The following ATP13A4 variants were observed in gnomAD, a reference collection of about 807,000 sequenced individuals.
The protein encoded by ATP13A4 is ATPase 13A4, also known as probable cation-transporting ATPase 13A4.
ATP13A4 carries 114 observed loss-of-function variants against 142.5 expected under a neutral mutation model. The ratio of observed to expected loss-of-function variants is 0.80; its 90% confidence interval spans 0.69 to 0.93. ATP13A4 has a LOEUF of 0.93. ATP13A4 is among the 40% of genes least tolerant of loss of function. ATP13A4 has a pLI of 0.00. For synonymous variants in ATP13A4, 488 were observed against 514.8 expected (o/e 0.95, Z 0.70); for missense variants, 1,392 against 1,454.0 (o/e 0.96, Z 0.69).
chr3:193,520,776 A>C (rs1259605901), intron 1 of ATP13A4, among the ~76,000 whole-genome samples: 4 of 152,200 alleles, frequency 2.6e-5, no homozygotes, highest in Non-Finnish European at 5.9e-5. Context: ...TTCCATTAAC[A>C]ATGTTTACGT....
intron 2 of ATP13A4, among the ~76,000 whole-genome samples, chr3:193,510,271 GCT>G (rs1453676216): frequency 6.6e-6 from 1 of 152,106 alleles, no homozygotes; most frequent in African/African-American, 2.4e-5. Context: ...TTGAACTAAC[GCT>G]CCTAGCCCTG....
Position 193,407,230 on chromosome 3 carries a change from T to C in ATP13A4, c.3378+83A>G, listed in dbSNP as rs1040296617. ...GCTGAGTCCATGTCAGCTAAAGTTG[T>C]TGTTTTCAGAGTCCCAAAGAAGTCC... On this transcript the variant is annotated intron_variant, in intron 29 of 29. Transcript: ENST00000342695. 8 of 1,270,976 alleles carry C rather than the reference T, an allele frequency of 6.3e-6. No individual in the cohort carries two copies. The African/African-American group carries it at 7.4e-5, about 12-fold the overall frequency. The allele number at this position is 1,270,976 out of a possible 1,614,324, so 78.7% of individuals were successfully genotyped here.
intron 28 of ATP13A4, 125 bp from the exon 29 acceptor site, chr3:193,407,518 T>C: frequency 3.0e-6 from 2 of 660,536 alleles, no homozygotes; most frequent in Non-Finnish European, 5.4e-6. Context: ...GTGTGTATAT[T>C]ACATATATCT....
chr3:193,496,934 C>A (rs1720270644), intron 3 of ATP13A4, among the ~76,000 whole-genome samples: 1 of 151,950 alleles, frequency 6.6e-6, no homozygotes, highest in African/African-American at 2.4e-5. Context: ...AGATGAAAGA[C>A]TTAAATGGAA....
intron 1 of ATP13A4, among the ~76,000 whole-genome samples, chr3:193,544,008 T>C (rs567856509): frequency 6.6e-6 from 1 of 152,262 alleles, no homozygotes; most frequent in South Asian, 2.1e-4. Flanking sequence ...TTGGTGTTCA[T>C]CAGACAGACT....
At chr3:193,463,761 T>C (rs1225563767) in intron 12 of ATP13A4, among the ~76,000 whole-genome samples, 1 of 152,234 alleles carries the variant, frequency 6.6e-6, no homozygotes, top group African/African-American at 2.4e-5. Flanking sequence ...TATAATCTCA[T>C]AAATAGAATG....
chr3:193,542,573 A>G (rs1722990880), intron 1 of ATP13A4, among the ~76,000 whole-genome samples: 1 of 152,220 alleles, frequency 6.6e-6, no homozygotes, highest in African/African-American at 2.4e-5. Context: ...ACCTGACTTC[A>G]AACTATACTA....
chr3:193,507,633 T>A (rs766113545), intron 2 of ATP13A4, among the ~76,000 whole-genome samples: 9 of 152,182 alleles, frequency 5.9e-5, no homozygotes, highest in Non-Finnish European at 1.2e-4. Context: ...AGCATACATT[T>A]TTTTGGAGGG....
Position 193,549,433 on chromosome 3 carries a change from TAGAGAGAG to T in ATP13A4, c.60+5299_60+5306del, listed in dbSNP as rs374646368. On this transcript the variant is annotated intron_variant, in intron 1 of 29. Coordinates refer to ENST00000342695, the MANE Select transcript of ATP13A4 (RefSeq NM_032279.4). ...TAATTATCAAATATATATATATATA[TAGAGAGAG>T]AGAGAGAGAGAGAGAGATCCATAAA... Among the ~76,000 whole-genome samples the T allele has an allele frequency of 3.2e-4, 44 of 136,730 alleles. No homozygotes were observed. The East Asian group carries it at 4.5e-3, about 14-fold the overall frequency. The allele number at this position is 136,730 out of a possible 152,430, so 89.7% of individuals were successfully genotyped here. A position where few individuals can be genotyped will look rare whatever the true frequency, so the allele number is the denominator to read the frequency against.
chr3:193,520,089 G>C (rs1721639788), intron 1 of ATP13A4, among the ~76,000 whole-genome samples: 1 of 152,100 alleles, frequency 6.6e-6, no homozygotes, highest in Non-Finnish European at 1.5e-5. Flanking sequence ...TCTGCATGTA[G>C]TGGGCACTCA....
chr3:193,535,706 T>G (rs1315878982), intron 1 of ATP13A4, among the ~76,000 whole-genome samples: 1 of 151,618 alleles, frequency 6.6e-6, no homozygotes, highest in Non-Finnish European at 1.5e-5. Context: ...AATGAAATTG[T>G]GAATAGAAAA....
At chr3:193,564,939 T>C (rs1464988776) in intron 2 of ATP13A4, among the ~76,000 whole-genome samples, 1 of 152,224 alleles carries the variant, frequency 6.6e-6, no homozygotes, top group Non-Finnish European at 1.5e-5. Flanking sequence ...CTAGGTTGCA[T>C]GTTCCTTATG....
At chr3:193,486,264 A>G (rs60583469) in intron 7 of ATP13A4, among the ~76,000 whole-genome samples, 1,648 of 152,254 alleles carry the variant, frequency 0.011, 32 homozygotes, top group African/African-American at 0.038. Context: ...GATGAGATTT[A>G]GAAGTTTATT....
At chr3:193,525,263 A>C (rs958312329) in intron 1 of ATP13A4, among the ~76,000 whole-genome samples, 2 of 152,202 alleles carry the variant, frequency 1.3e-5, no homozygotes, top group Non-Finnish European at 2.9e-5. Context: ...CATCTAGTCG[A>C]ACTCATCATT....
Position 193,454,731 on chromosome 3 carries a change from C to T in ATP13A4, c.1916-519G>A, listed in dbSNP as rs114920892. Among the ~76,000 whole-genome samples the T allele has an allele frequency of 6.5e-3, 991 of 152,188 alleles. 19 individuals carry two copies. Among genetic ancestry groups the T allele is most frequent in the African/African-American group, 0.022 (914 of 41,540 alleles). On this transcript the variant is annotated intron_variant, in intron 16 of 29. Coordinates refer to ENST00000342695, the MANE Select transcript of ATP13A4 (RefSeq NM_032279.4). The stretch of plus-strand genomic sequence containing the variant: ...CAAAAACTAACTTAACATGGATTGA[C>T]GACTTTTAAAACCTAAAACTATAAA...
At chr3:193,544,507 G>C (rs930886183) in intron 1 of ATP13A4, among the ~76,000 whole-genome samples, 1 of 152,162 alleles carries the variant, frequency 6.6e-6, no homozygotes, top group Non-Finnish European at 1.5e-5. Context: ...TACAAGCCTA[G>C]CACTGAGTCA....
intron 3 of ATP13A4, among the ~76,000 whole-genome samples, chr3:193,495,150 T>G (rs1217644631): frequency 6.6e-6 from 1 of 152,088 alleles, no homozygotes; most frequent in Non-Finnish European, 1.5e-5. Flanking sequence ...ATGGCTTCAC[T>G]GCTGAATTCT....
Position 193,454,613 on chromosome 3 carries a change from G to A in ATP13A4, c.1916-401C>T, listed in dbSNP as rs116176255. ...TGACAAACCTGACAAAAATAAGCAT[G>A]GGGAAAGGCTTTCCCATTCAATAAA... On this transcript the variant is annotated intron_variant, in intron 16 of 29. Coordinates refer to ENST00000342695, the MANE Select transcript of ATP13A4 (RefSeq NM_032279.4). Among the ~76,000 whole-genome samples, 987 of 152,186 alleles carry A rather than the reference G, an allele frequency of 6.5e-3. 19 individuals carry two copies. The highest frequency in any genetic ancestry group is 0.022 in the African/African-American group (914 of 41,522).
At chr3:193,434,619 G>T (rs4686638) in intron 24 of ATP13A4, among the ~76,000 whole-genome samples, 130,362 of 152,164 alleles carry the variant, frequency 0.86, 56,195 homozygotes, top group African/African-American at 0.97. Flanking sequence ...ATAGTTTATC[G>T]GAGAGCAATA....
Sources: allele counts gnomAD v4.1 joint callset (sites outside exome capture counted in the v4.1 genomes callset), GRCh38; gene constraint gnomAD v4.1.1; transcripts MANE v1.5; gene names NCBI Gene and HGNC (gene_info 2026-07-23, HGNC 2026-07-21).